SCAMP1: variants seen among roughly 807,000 people sequenced by gnomAD.
SCAMP1 encodes the protein secretory carrier membrane protein 1.
SCAMP1 carries 15 observed loss-of-function variants against 41.8 expected under a neutral mutation model. The observed-to-expected ratio is 0.36, with a 90% CI of 0.24 to 0.55. The LOEUF (loss-of-function observed/expected upper bound fraction) is 0.55, where lower values mean the gene tolerates loss of function less well. Ranked by LOEUF, SCAMP1 falls within the 20% of genes least tolerant of loss-of-function variation. The pLI is 0.86. For synonymous variants in SCAMP1, 135 were observed against 136.8 expected (o/e 0.99, Z 0.09); for missense variants, 341 against 412.6 (o/e 0.83, Z 1.50).
At chr5:78,450,689 CTCTTCTTTCTTTTATA>C (rs748479074) in intron 7 of SCAMP1, among the ~76,000 whole-genome samples, 9 of 152,190 alleles carry the variant, frequency 5.9e-5, no homozygotes. Context: ...ATCTGTTCCT[CTCTTCTTTCTTTTATA>C]CTGACTTGCA....
intron 5 of SCAMP1, 141 bp downstream of exon 5, chr5:78,419,044 A>G (rs1053215620): frequency 1.4e-6 from 1 of 724,398 alleles, no homozygotes; most frequent in African/African-American, 1.9e-5. Context: ...TCAGAGTGAA[A>G]CATATCCTAT....
rs189429541 is a variant in SCAMP1, at chr5:78,440,685, G to A, written c.633-9248G>A. Among the ~76,000 whole-genome samples, 1,489 of 152,272 alleles carry A rather than the reference G, an allele frequency of 9.8e-3. 11 individuals are homozygous for A. Among genetic ancestry groups the A allele is most frequent in the South Asian group, 0.053 (254 of 4,826 alleles). ...ACCCACTTGAGGAGGCAGTCCGTCC[G>A]TCCTCAGATCTCAAACTCCATGCTA... On this transcript the variant is annotated intron_variant, in intron 6 of 8. Transcript: ENST00000621999.
intron 7 of SCAMP1, among the ~76,000 whole-genome samples, chr5:78,450,645 A>C (rs1184715749): frequency 6.6e-6 from 1 of 152,186 alleles, no homozygotes; most frequent in Non-Finnish European, 1.5e-5. Flanking sequence ...CCTTGAGTGA[A>C]ATGGTGGGTG....
intron 1 of SCAMP1, among the ~76,000 whole-genome samples, chr5:78,364,942 G>C (rs1750755680): frequency 7.3e-6 from 1 of 137,604 alleles, no homozygotes; most frequent in Non-Finnish European, 1.6e-5. Context: ...ACGAGTTAAT[G>C]GGTGCAGCAC....
At chr5:78,459,142 A>C (rs1753516605) in intron 7 of SCAMP1, 103 bp from the exon 8 acceptor site, 1 of 686,932 alleles carries the variant, frequency 1.5e-6, no homozygotes, top group South Asian at 1.6e-5. Context: ...AAAGAACTTG[A>C]ATATTGCCTG....
intron 1 of SCAMP1, among the ~76,000 whole-genome samples, chr5:78,384,215 G>A (rs565827812): frequency 4.9e-4 from 70 of 143,932 alleles, no homozygotes; most frequent in Non-Finnish European, 9.4e-4. Flanking sequence ...AAAAGGGGTG[G>A]AGTTCTTGAT....
chr5:78,447,120 C>T (rs1001361753), intron 6 of SCAMP1, among the ~76,000 whole-genome samples: 2 of 152,166 alleles, frequency 1.3e-5, no homozygotes, highest in East Asian at 1.9e-4. Context: ...GAATCTAATA[C>T]CTGATGATCT....
intron 2 of SCAMP1, among the ~76,000 whole-genome samples, chr5:78,413,340 G>A (rs1336849959): frequency 6.6e-6 from 1 of 150,622 alleles, no homozygotes; most frequent in East Asian, 1.9e-4. Context: ...TAATTACTGT[G>A]GTTCTATAAT....
intron 6 of SCAMP1, among the ~76,000 whole-genome samples, chr5:78,422,617 T>G (rs1752365267): frequency 6.6e-6 from 1 of 152,092 alleles, no homozygotes; most frequent in Non-Finnish European, 1.5e-5. Context: ...AGCTGGATAA[T>G]AAGGTTAAGC....
At chr5:78,417,556 A>G (rs1752238827) in intron 4 of SCAMP1, among the ~76,000 whole-genome samples, 2 of 152,212 alleles carry the variant, frequency 1.3e-5, no homozygotes, top group African/African-American at 4.8e-5. Flanking sequence ...TAACAATTAG[A>G]CTGCAGTATG....
rs1754068346 is a variant in SCAMP1, at chr5:78,478,964, GTTAA to G, written c.*3300_*3303del. The G allele has an allele frequency of 6.6e-6, 1 of 152,066 alleles. No individual in the cohort carries two copies. The highest frequency in any genetic ancestry group is 1.5e-5 in the Non-Finnish European group (1 of 67,958). The allele number at this position is 152,066 out of a possible 1,614,324, so 9.4% of individuals were successfully genotyped here. On this transcript the variant is annotated 3_prime_UTR_variant, in exon 9 of 9. Coordinates refer to ENST00000621999, the MANE Select transcript of SCAMP1 (RefSeq NM_004866.6). ...TGCATTTTAAGGGGATTTATGTTAG[GTTAA>G]TTAGTTGTTTCTGTAAATCATTTGT...
chr5:78,466,728 G>A (rs1367077380), intron 8 of SCAMP1, among the ~76,000 whole-genome samples: 1 of 152,154 alleles, frequency 6.6e-6, no homozygotes, highest in African/African-American at 2.4e-5. Flanking sequence ...TTTTAAGGAG[G>A]AGAGTAATTG....
At chr5:78,422,029 A>C (rs1304748288) in intron 6 of SCAMP1, 69 bp downstream of exon 6, 13 of 1,327,534 alleles carry the variant, frequency 9.8e-6, no homozygotes, top group Non-Finnish European at 1.2e-5. Flanking sequence ...GTATACATTA[A>C]AGGGAAAATT....
At chr5:78,423,605 A>C (rs1752394273) in intron 6 of SCAMP1, among the ~76,000 whole-genome samples, 1 of 152,196 alleles carries the variant, frequency 6.6e-6, no homozygotes, top group African/African-American at 2.4e-5. Context: ...ACCTTCTGTT[A>C]CTTATGTAGC....
At chr5:78,447,023 A>T (rs1753067419) in intron 6 of SCAMP1, among the ~76,000 whole-genome samples, 3 of 152,220 alleles carry the variant, frequency 2.0e-5, no homozygotes, top group Non-Finnish European at 4.4e-5. Flanking sequence ...CTCCTGTCAC[A>T]TCAACAGTGG....
intron 8 of SCAMP1, among the ~76,000 whole-genome samples, chr5:78,462,478 G>A (rs1046872044): frequency 6.6e-6 from 1 of 151,954 alleles, no homozygotes; most frequent in Non-Finnish European, 1.5e-5. Flanking sequence ...TACAGATGTG[G>A]CACCTGGCTA....
intron 7 of SCAMP1, 88 bp from the exon 8 acceptor site, chr5:78,459,156 GA>G: frequency 1.4e-6 from 1 of 701,284 alleles, no homozygotes; most frequent in East Asian, 2.8e-5. Context: ...TTGCCTGGCT[GA>G]TAAGTGTTGA....
In SCAMP1 at chr5:78,411,767, C is replaced by G. The variant is rs550157207; in HGVS notation, c.136-3753C>G. 5.3e-5 allele frequency among the ~76,000 whole-genome samples: 8 copies of G among 152,116 alleles called. No individual in the cohort carries two copies. The South Asian group carries it at 1.2e-3, about 24-fold the overall frequency. ...ATTTGCAAATATCTTGGATTATTTC[C>G]ATAGGATATTTTTAAAGACCAGATA... is the stretch of plus-strand genomic sequence containing the variant. On this transcript the variant is annotated intron_variant, in intron 2 of 8. Transcript: ENST00000621999.
chr5:78,432,038 A>G (rs1272415013), intron 6 of SCAMP1, among the ~76,000 whole-genome samples: 1 of 152,108 alleles, frequency 6.6e-6, no homozygotes, highest in East Asian at 1.9e-4. Context: ...CTGTCGTGCT[A>G]TCAAATACTA....
Sources: gnomAD v4.1 joint callset for allele counts (sites outside exome capture counted in the v4.1 genomes callset) on GRCh38, gnomAD v4.1.1 for gene constraint, MANE v1.5 for transcripts, NCBI Gene and HGNC (gene_info 2026-07-23, HGNC 2026-07-21) for gene names.